The following AQP7 variants were observed in gnomAD, a reference collection of about 807,000 sequenced individuals.
AQP7 encodes the protein aquaporin 7.
Under a neutral mutation model 26.1 loss-of-function variants are expected in AQP7, and 22 were observed. That is an observed-to-expected ratio of 0.84 (90% confidence interval 0.60 to 1.20). The LOEUF is 1.20. AQP7 is among the 50% of genes most tolerant of loss of function. The pLI is 0.00. For missense variants in AQP7, 412 were observed against 457.5 expected (o/e 0.90, Z 0.91); for synonymous variants, 167 against 181.7 (o/e 0.92, Z 0.65).
intron 2 of AQP7, among the ~76,000 whole-genome samples, chr9:33,399,808 C>A (rs544293717): frequency 6.6e-6 from 1 of 151,584 alleles, no homozygotes; most frequent in African/African-American, 2.4e-5. Context: ...GAAGAATGGG[C>A]GGGTGGTGGC....
At position 33,386,091 on chromosome 9, in the gene AQP7, C is replaced by A. The variant is rs775861945; in HGVS notation, c.511G>T (p.Gly171Cys). Residue 171 changes from glycine (G) to cysteine (C), a missense_variant, in exon 6 of 8, where the codon GGC becomes TGC. Transcript: ENST00000297988. ...YLPDHMTLWR[G>C]FLNEAWLTGM... ...CGACCACTGACCTCATTCAGGAAGC[C>A]CCGCCACAATGTCATGTGATCAGGA... The A allele has an allele frequency of 6.8e-6, 11 of 1,613,412 alleles. No homozygotes were observed. The highest frequency in any genetic ancestry group is 9.3e-6 in the Non-Finnish European group (11 of 1,179,858).
intron 3 of AQP7, among the ~76,000 whole-genome samples, chr9:33,389,964 C>A (rs1825225820): frequency 6.8e-6 from 1 of 147,588 alleles, no homozygotes; most frequent in African/African-American, 2.5e-5. Context: ...AGACGCGGAG[C>A]TTGCAGTGAG....
chr9:33,385,087 G>A lies in AQP7; in HGVS notation c.947C>T (p.Pro316Leu), dbSNP rs771682923. 1.2e-6 allele frequency: 2 copies of A among 1,611,982 alleles called. No homozygotes were observed. Among genetic ancestry groups the A allele is most frequent in the East Asian group, 2.2e-5 (1 of 44,876 alleles). The change falls in exon 8 of 8, where the codon CCC becomes CTC. Residue 316 changes from proline to leucine, a missense_variant. Pro to Leu is a moderately conservative substitution (Grantham distance 98, BLOSUM62 -3). Transcript: ENST00000297988. ...SHEPTISPLT[P>L]VSVSPANRSS... is the part of the protein sequence containing the mutation. ...TCTGTTGGCAGGGCTCACAGAGACG[G>A]GGGTGAGGGGAGAGATCGTGGGTTC...
At chr9:33,389,998 A>C (rs972267231) in intron 3 of AQP7, among the ~76,000 whole-genome samples, 1 of 148,934 alleles carries the variant, frequency 6.7e-6, no homozygotes, top group Non-Finnish European at 1.5e-5. Context: ...ACTACACTCC[A>C]GCCTGGGTGA....
Position 33,385,833 on chromosome 9 carries a change from A to G in AQP7, c.559T>C (p.Phe187Leu). The G allele has an allele frequency of 6.2e-7, 1 of 1,612,046 alleles. No individual in the cohort carries two copies. The highest frequency in any genetic ancestry group is 2.2e-5 in the East Asian group (1 of 44,862). ...TTGTTCTCCTGGTCCGTGATGGCGA[A>G]GAGACACAGCTGGAGCATCCCGGTC... is the stretch of plus-strand genomic sequence containing the variant. Reference protein sequence around the residue: ...WLTGMLQLCLFAITDQENNPA... With the variant: ...WLTGMLQLCLLAITDQENNPA... Residue 187 changes from phenylalanine (F) to leucine (L), a missense_variant, in exon 7 of 8, where the codon TTC becomes CTC. Phe to Leu is a conservative substitution (Grantham distance 22). Coordinates refer to ENST00000297988, the MANE Select transcript of AQP7 (RefSeq NM_001170.3).
chr9:33,401,076 C>G, intron 2 of AQP7, 161 bp downstream of exon 2: 3 of 773,570 alleles, frequency 3.9e-6, no homozygotes. Context: ...GGAAGATGCT[C>G]TTCTTCTGGG....
intron 3 of AQP7, among the ~76,000 whole-genome samples, chr9:33,392,168 G>A (rs1825467386): frequency 6.6e-6 from 1 of 152,056 alleles, no homozygotes; most frequent in Admixed American, 6.6e-5. Flanking sequence ...ACAAAAATTG[G>A]CTGGGCATGG....
chr9:33,385,950 A>G, intron 6 of AQP7, 84 bp from the exon 7 acceptor site: 2 of 1,560,178 alleles, frequency 1.3e-6, no homozygotes, highest in South Asian at 2.4e-5. Context: ...CAAGCCCACC[A>G]GCAGAGACAC....
At chr9:33,398,141 A>T (rs1825983745) in intron 2 of AQP7, among the ~76,000 whole-genome samples, 1 of 151,738 alleles carries the variant, frequency 6.6e-6, no homozygotes, top group Non-Finnish European at 1.5e-5. Flanking sequence ...TCAAGAAAAG[A>T]AGGCTGGAGG....
At chr9:33,394,308 G>A (rs73487361) in intron 3 of AQP7, 3 of 152,168 alleles carry the variant, frequency 2.0e-5, no homozygotes, top group African/African-American at 7.3e-5. Flanking sequence ...CCTCTTAACT[G>A]GTTCCCTCTT....
chr9:33,394,573 C>A (rs186642271), intron 3 of AQP7, among the ~76,000 whole-genome samples: 23 of 150,226 alleles, frequency 1.5e-4, no homozygotes, highest in African/African-American at 5.4e-4. Flanking sequence ...TCTCAGCTCA[C>A]TGCAACCTCC....
chr9:33,402,089 G>A (rs1826336118), intron 1 of AQP7, among the ~76,000 whole-genome samples: 1 of 152,106 alleles, frequency 6.6e-6, no homozygotes, highest in African/African-American at 2.4e-5. Flanking sequence ...TGACAGCCCA[G>A]CTCAGTGCAT....
rs770359710 is a variant in AQP7 at position 33,385,250 on chromosome 9, G to T, written c.784C>A (p.Leu262Ile). ...ATGCCACCTAGATAGGCACCCAGAA[G>T]TGGTGCCACCACTGGCACCCACCAC... ...NWWWVPVVAP[L>I]LGAYLGGIIY... The change falls in exon 8 of 8, where the codon CTT (leucine) becomes ATT (isoleucine). Residue 262 changes from leucine to isoleucine, a missense_variant. Physicochemically the swap from Leu to Ile is conservative, Grantham distance 5. Transcript: ENST00000297988. 40 of 1,611,600 alleles carry T rather than the reference G, an allele frequency of 2.5e-5. No individual in the cohort carries two copies. The highest frequency in any genetic ancestry group is 3.3e-5 in the Non-Finnish European group (39 of 1,179,756).
At chr9:33,395,444 C>T (rs1825779229) in intron 2 of AQP7, 2 of 500,308 alleles carry the variant, frequency 4.0e-6, no homozygotes, top group Non-Finnish European at 7.2e-6. Flanking sequence ...AAAAATGGCA[C>T]ACCAATGAGG....
In AQP7 at chr9:33,394,992, A is replaced by G. The variant is rs894105429; in HGVS notation, c.144+86T>C. 1,023 of 1,175,158 alleles carry G rather than the reference A, an allele frequency of 8.7e-4. 9 individuals carry two copies. Among genetic ancestry groups the G allele is most frequent in the Non-Finnish European group, 1.9e-4 (150 of 789,642 alleles). The allele number at this position is 1,175,158 out of a possible 1,614,324, so 72.8% of individuals were successfully genotyped here. A position where few individuals can be genotyped will look rare whatever the true frequency, so the allele number is the denominator to read the frequency against. On this transcript the variant is annotated intron_variant, in intron 3 of 7. Coordinates refer to ENST00000297988, the MANE Select transcript of AQP7 (RefSeq NM_001170.3). ...CCCAGCTCAGAGGCAAGGAATGGAC[A>G]ATGTGACCCATGGGGTCAGCATGGG...
At chr9:33,395,586 G>T in intron 2 of AQP7, 1 of 219,424 alleles carries the variant, frequency 4.6e-6, no homozygotes. Context: ...CCGTCTGTCC[G>T]TCTGCCTATC....
At position 33,386,951 on chromosome 9, in the gene AQP7, G is replaced by A; in HGVS notation, c.268+18C>T. ...ACACCTGGTCTTGCCCGGTCCGGCA[G>A]GGCCTGGGCTCACTCACCAGAGATG... On this transcript the variant is annotated intron_variant, in intron 4 of 7. Transcript: ENST00000297988. 6.2e-7 allele frequency: 1 copy of A among 1,611,608 alleles called. No homozygotes were observed. The highest frequency in any genetic ancestry group is 8.5e-7 in the Non-Finnish European group (1 of 1,179,600).
At chr9:33,398,429 G>C (rs926525330) in intron 2 of AQP7, among the ~76,000 whole-genome samples, 6 of 152,132 alleles carry the variant, frequency 3.9e-5, no homozygotes, top group African/African-American at 1.4e-4. Context: ...AAGTGGAGTG[G>C]AGGCAGGGTG....
chr9:33,396,438 C>CAAAAA (rs3055483), intron 2 of AQP7, among the ~76,000 whole-genome samples: 1 of 30,892 alleles, frequency 3.2e-5, no homozygotes, highest in Non-Finnish European at 6.9e-5. Context: ...GACTCCATCT[C>CAAAAA]AAAAAAAAAA....
Sources: allele counts gnomAD v4.1 joint callset (sites outside exome capture counted in the v4.1 genomes callset), GRCh38; gene constraint gnomAD v4.1.1; transcripts MANE v1.5; gene names NCBI Gene and HGNC (gene_info 2026-07-23, HGNC 2026-07-21).